PHLPP1: variants seen among roughly 807,000 people sequenced by gnomAD.
The protein encoded by PHLPP1 is PH domain leucine-rich repeat-containing protein phosphatase 1.
PHLPP1 carries 42 observed loss-of-function variants against 117.2 expected under a neutral mutation model. That is an observed-to-expected ratio of 0.36 (90% confidence interval 0.28 to 0.46). The LOEUF is 0.46. Among genes scored for constraint, PHLPP1 ranks in the 20% least tolerant of loss-of-function variants. The pLI, the probability that PHLPP1 is intolerant of heterozygous loss-of-function variation, is 1.00. For synonymous variants in PHLPP1, 1,042 were observed against 970.7 expected, an observed-to-expected ratio of 1.07 and a Z score of -1.37; for missense variants, 2,084 against 2,241.9, an observed-to-expected ratio of 0.93 and a Z score of 1.42.
chr18:62,828,809 C>T (rs991097964), intron 1 of PHLPP1, among the ~76,000 whole-genome samples: 3 of 152,138 alleles, frequency 2.0e-5, no homozygotes, highest in Non-Finnish European at 2.9e-5. Flanking sequence ...GGCAACTAGT[C>T]CAACTTCTAA....
At chr18:62,736,764 A>G (rs569529596) in intron 1 of PHLPP1, among the ~76,000 whole-genome samples, 1 of 152,214 alleles carries the variant, frequency 6.6e-6, no homozygotes, top group Non-Finnish European at 1.5e-5. Flanking sequence ...GGCCTGGCTC[A>G]CCACCCAGCT....
intron 1 of PHLPP1, among the ~76,000 whole-genome samples, chr18:62,726,768 G>C (rs553746158): frequency 2.0e-5 from 3 of 151,162 alleles, no homozygotes; most frequent in Admixed American, 6.6e-5. Flanking sequence ...ATTTTTAGTA[G>C]AGATGGGGTT....
chr18:62,850,491 G>A (rs1412111568), intron 3 of PHLPP1, among the ~76,000 whole-genome samples: 1 of 152,074 alleles, frequency 6.6e-6, no homozygotes, highest in Non-Finnish European at 1.5e-5. Context: ...AAGTTTTTTT[G>A]TGGTTCATTT....
chr18:62,754,763 A>C lies in PHLPP1; in HGVS notation c.1576+37504A>C, dbSNP rs1189190951. Among the ~76,000 whole-genome samples the C allele has an allele frequency of 2.0e-5, 3 of 152,226 alleles. No individual in the cohort carries two copies. In the East Asian group the frequency reaches 5.8e-4, roughly 29 times the overall value. On this transcript the variant is annotated intron_variant, in intron 1 of 16. Coordinates refer to ENST00000262719, the MANE Select transcript of PHLPP1 (RefSeq NM_194449.4). ...ACATACCAGATTCCACATATAAATT[A>C]AGAGAGAAGAAATAGGATTGAGGAT...
chr18:62,731,396 A>G (rs935514269), intron 1 of PHLPP1: 1 of 152,020 alleles, frequency 6.6e-6, no homozygotes, highest in African/African-American at 2.4e-5. Flanking sequence ...TACTATTGTA[A>G]TTGTTTTGGG....
intron 3 of PHLPP1, among the ~76,000 whole-genome samples, chr18:62,847,166 T>C (rs1234431079): frequency 1.3e-5 from 2 of 152,232 alleles, no homozygotes; most frequent in African/African-American, 4.8e-5. Context: ...CCATTTTAAA[T>C]GCATCCCATG....
intron 16 of PHLPP1, among the ~76,000 whole-genome samples, chr18:62,976,369 A>G (rs1033670624): frequency 2.6e-5 from 4 of 152,318 alleles, no homozygotes; most frequent in Admixed American, 6.5e-5. Flanking sequence ...CTCAAGGAAG[A>G]GAAGTAAAAT....
At chr18:62,872,451 G>C (rs1374975273) in intron 4 of PHLPP1, among the ~76,000 whole-genome samples, 1 of 152,074 alleles carries the variant, frequency 6.6e-6, no homozygotes, top group Non-Finnish European at 1.5e-5. Flanking sequence ...CCAGCACTTT[G>C]GGAGGCCGAG....
rs538833503 is a variant in PHLPP1 at position 62,750,529 on chromosome 18, T to C, written c.1576+33270T>C. On this transcript the variant is annotated intron_variant, in intron 1 of 16. Coordinates refer to ENST00000262719, the MANE Select transcript of PHLPP1 (RefSeq NM_194449.4). ...CTTCAAAACCCCGCACTTATATTTTTATAGTTTTTTTCAAAAGCTGTGCTC... is the reference window on the plus strand; with the variant it reads ...CTTCAAAACCCCGCACTTATATTTTCATAGTTTTTTTCAAAAGCTGTGCTC... Among the ~76,000 whole-genome samples the C allele has an allele frequency of 1.6e-3, 249 of 152,328 alleles. 1 individual carries two copies. Among genetic ancestry groups the C allele is most frequent in the Non-Finnish European group, 2.9e-3 (199 of 68,026 alleles).
intron 2 of PHLPP1, among the ~76,000 whole-genome samples, chr18:62,837,433 T>C (rs142925441): frequency 0.015 from 2,264 of 152,290 alleles, 50 homozygotes; most frequent in Non-Finnish European, 0.018. Flanking sequence ...CTTTTTATTG[T>C]TAATTGTTAA....
At chr18:62,869,037 T>G (rs796313301) in intron 4 of PHLPP1, among the ~76,000 whole-genome samples, 4 of 152,390 alleles carry the variant, frequency 2.6e-5, no homozygotes, top group African/African-American at 9.6e-5. Context: ...TCAAGCTGTA[T>G]GTATAACTAA....
chr18:62,788,643 G>A (rs111832069), intron 1 of PHLPP1, among the ~76,000 whole-genome samples: 1 of 151,862 alleles, frequency 6.6e-6, no homozygotes, highest in Non-Finnish European at 1.5e-5. Context: ...ATTAAAACTT[G>A]TACATCTTAT....
rs1263710257 is a variant in PHLPP1 at position 62,978,675 on chromosome 18, G to A, written c.4398G>A (p.Val1466=). ...IKDRPSDGLG[V]PSSSSGMASE... is the part of the protein sequence containing the mutation. ...ATCGGCCCTCAGATGGGCTGGGCGT[G>A]CCGTCCTCCAGCAGCGGCATGGCTT... The change falls in exon 17 of 17, where the codon GTG becomes GTA. Residue 1466 remains valine (V), a synonymous_variant. Transcript: ENST00000262719. This position sits in a 1 kb window ranked among gnomAD's most constrained non-coding sequence, Gnocchi z 7.0. 6 of 1,613,782 alleles carry A rather than the reference G, an allele frequency of 3.7e-6. No homozygotes were observed. Among genetic ancestry groups the A allele is most frequent in the African/African-American group, 1.3e-5 (1 of 74,884 alleles).
intron 1 of PHLPP1, among the ~76,000 whole-genome samples, chr18:62,733,448 A>G (rs1411992148): frequency 6.6e-6 from 1 of 152,244 alleles, no homozygotes; most frequent in Non-Finnish European, 1.5e-5. Context: ...TAGGAAACCA[A>G]AAAATTCATG....
At chr18:62,974,507 T>C (rs1911135166) in intron 15 of PHLPP1, among the ~76,000 whole-genome samples, 1 of 152,160 alleles carries the variant, frequency 6.6e-6, no homozygotes, top group Non-Finnish European at 1.5e-5. Flanking sequence ...CTTAACTTTC[T>C]TGCTCCTGTA....
intron 5 of PHLPP1, among the ~76,000 whole-genome samples, 170 bp from the exon 6 acceptor site, chr18:62,895,611 T>A (rs1916538995): frequency 6.6e-6 from 1 of 152,278 alleles, no homozygotes; most frequent in South Asian, 2.1e-4. Flanking sequence ...GATGCTTATC[T>A]CTGATTATTT....
intron 3 of PHLPP1, among the ~76,000 whole-genome samples, chr18:62,840,997 C>T (rs982806472): frequency 1.3e-5 from 2 of 152,186 alleles, no homozygotes; most frequent in Admixed American, 6.5e-5. Context: ...TCAAGCAATT[C>T]TCCTACCTCA....
chr18:62,925,159 T>C (rs765440999), intron 10 of PHLPP1, among the ~76,000 whole-genome samples: 5 of 151,880 alleles, frequency 3.3e-5, no homozygotes, highest in Non-Finnish European at 7.4e-5. Context: ...GTCACCGGAG[T>C]GGATGAGACA....
At chr18:62,944,972 A>G in intron 11 of PHLPP1, 137 bp from the exon 12 acceptor site, 2 of 605,550 alleles carry the variant, frequency 3.3e-6, no homozygotes, top group Non-Finnish European at 5.3e-6. Flanking sequence ...GTACTCCAAA[A>G]TGATAGTGAA....
Sources: allele counts gnomAD v4.1 joint callset (sites outside exome capture counted in the v4.1 genomes callset), GRCh38; gene constraint gnomAD v4.1.1; non-coding constraint Gnocchi (gnomAD v3.1); transcripts MANE v1.5; gene names NCBI Gene and HGNC (gene_info 2026-07-23, HGNC 2026-07-21).